Variants in MAN1B1 observed in about 807,000 individuals in gnomAD.
The protein encoded by MAN1B1 is endoplasmic reticulum mannosyl-oligosaccharide 1,2-alpha-mannosidase.
In MAN1B1, 66 loss-of-function variants were observed where a neutral mutation model predicts 75.5. The ratio of observed to expected loss-of-function variants is 0.87; its 90% CI spans 0.72 to 1.07. The LOEUF (loss-of-function observed/expected upper bound fraction) is 1.07, where lower values mean the gene tolerates loss of function less well. Ranked by LOEUF, MAN1B1 falls within the 50% of genes least tolerant of loss-of-function variation. MAN1B1 has a pLI of 0.00. For synonymous variants in MAN1B1, 453 were observed against 382.8 expected, an observed-to-expected ratio of 1.18 and a Z score of -2.14; for missense variants, 973 against 912.5, an observed-to-expected ratio of 1.07 and a Z score of -0.85.
Position 137,108,992 on chromosome 9 carries a change from G to A in MAN1B1, c.*401G>A, listed in dbSNP as rs1351019278. The A allele has an allele frequency of 2.2e-6, 1 of 461,910 alleles. No individual in the cohort carries two copies. Among genetic ancestry groups the A allele is most frequent in the Non-Finnish European group, 4.3e-6 (1 of 230,788 alleles). The allele number at this position is 461,910 out of a possible 1,614,324, so 28.6% of individuals were successfully genotyped here. On this transcript the variant is annotated 3_prime_UTR_variant, in exon 13 of 13. Coordinates refer to ENST00000371589, the MANE Select transcript of MAN1B1 (RefSeq NM_016219.5). The stretch of plus-strand genomic sequence containing the variant: ...AGCCTCAGATGTCCCCAATCCAAGG[G>A]TCTGGAGGGGCTGCCGTGACTCCAG...
At chr9:137,107,149 C>A in intron 10 of MAN1B1, 101 bp from the exon 11 acceptor site, 1 of 1,314,834 alleles carries the variant, frequency 7.6e-7, no homozygotes, top group Non-Finnish European at 1.1e-6. Flanking sequence ...CCCAGGGTAC[C>A]AGGGCCGAGG....
In MAN1B1 at chr9:137,108,403, T is replaced by C. The variant is rs1831195001; in HGVS notation, c.1912T>C (p.Tyr638His). The C allele has an allele frequency of 6.2e-7, 1 of 1,613,682 alleles. No homozygotes were observed. The highest frequency in any genetic ancestry group is 8.5e-7 in the Non-Finnish European group (1 of 1,179,988). ...SRFTRVPSGG[Y>H]SSINNVQDPQ... is the part of the protein sequence containing the mutation. ...TGCTGCACAGGTCCCCTCGGGTGGCTATTCTTCCATCAACAATGTCCAGGA... is the reference window on the plus strand; with the variant it reads ...TGCTGCACAGGTCCCCTCGGGTGGCCATTCTTCCATCAACAATGTCCAGGA... Residue 638 changes from tyrosine (Y) to histidine (H), a missense_variant, in exon 13 of 13, where the codon TAT (tyrosine) becomes CAT (histidine). Tyr to His is a moderately conservative substitution (Grantham distance 83). Coordinates refer to ENST00000371589, the MANE Select transcript of MAN1B1 (RefSeq NM_016219.5).
intron 5 of MAN1B1, 88 bp downstream of exon 5, chr9:137,098,025 G>GT: frequency 9.7e-7 from 1 of 1,031,014 alleles, no homozygotes; most frequent in Non-Finnish European, 1.5e-6. Flanking sequence ...ATGGTGGGTG[G>GT]CGCCCCCGCC....
rs75442795 is a variant in MAN1B1, at chr9:137,088,943, G to C, written c.403G>C (p.Val135Leu). 6.2e-6 allele frequency: 10 copies of C among 1,613,852 alleles called. No individual in the cohort carries two copies. The highest frequency in any genetic ancestry group is 8.5e-6 in the Non-Finnish European group (10 of 1,180,022). Residue 135 changes from valine to leucine, a missense_variant, in exon 3 of 13, where the codon GTC (valine) becomes CTC (leucine). Transcript: ENST00000371589. ...IAGLKPANPP[V>L]LPAPQKADTD... The stretch of plus-strand genomic sequence containing the variant: ...TGGGTTAAAACCAGCAAATCCACCC[G>C]TCTTACCAGCTCCTCAGAAGGCGGA...
At chr9:137,094,418 A>G (rs961930285) in intron 3 of MAN1B1, 5 of 503,364 alleles carry the variant, frequency 9.9e-6, no homozygotes, top group Non-Finnish European at 2.0e-5. Flanking sequence ...TGAAGAGGAC[A>G]GTGATTGCAT....
chr9:137,098,216 C>T (rs1480574613), intron 5 of MAN1B1, among the ~76,000 whole-genome samples: 2 of 152,242 alleles, frequency 1.3e-5, no homozygotes, highest in African/African-American at 4.8e-5. Flanking sequence ...GAGACTGCTG[C>T]CCGTGCTGTG....
chr9:137,087,671 G>GGTGCCTGGGCT (rs1830410626), intron 1 of MAN1B1: 1 of 402,844 alleles, frequency 2.5e-6, no homozygotes, highest in East Asian at 6.0e-5. Flanking sequence ...TCGCCTGGGC[G>GGTGCCTGGGCT]GTGCCTGGGC....
At chr9:137,100,592 G>A (rs924902973) in intron 6 of MAN1B1, among the ~76,000 whole-genome samples, 1 of 151,990 alleles carries the variant, frequency 6.6e-6, no homozygotes, top group Non-Finnish European at 1.5e-5. Context: ...GCGCAATCTC[G>A]GCTCATTGCA....
intron 3 of MAN1B1, among the ~76,000 whole-genome samples, chr9:137,092,457 G>A (rs1402715597): frequency 6.6e-6 from 1 of 152,166 alleles, no homozygotes; most frequent in African/African-American, 2.4e-5. Context: ...TTAGGGGCTG[G>A]ATTGGTCCCT....
chr9:137,090,371 C>G (rs966238892), intron 3 of MAN1B1, among the ~76,000 whole-genome samples: 1 of 152,122 alleles, frequency 6.6e-6, no homozygotes, highest in African/African-American at 2.4e-5. Context: ...CAGGGACAGA[C>G]AGCGCTTTCT....
At chr9:137,103,733 T>C (rs564204715) in intron 8 of MAN1B1, 270 of 426,852 alleles carry the variant, frequency 6.3e-4, no homozygotes, top group African/African-American at 5.6e-3. Context: ...GTTACACACA[T>C]GCTGTTGCAG....
At chr9:137,107,823 G>T (rs1046318305) in intron 12 of MAN1B1, 161 bp downstream of exon 12, 3 of 929,204 alleles carry the variant, frequency 3.2e-6, no homozygotes, top group African/African-American at 3.3e-5. Flanking sequence ...CAGCTTGGGG[G>T]CCCTGGCATC....
In MAN1B1 at chr9:137,088,412, T is replaced by G. The variant is rs750586698; in HGVS notation, c.328+229T>G. 5 of 1,573,500 alleles carry G rather than the reference T, an allele frequency of 3.2e-6. No homozygotes were observed. The Admixed American group carries it at 5.1e-5, about 16-fold the overall frequency. ...TAGGTCTCTGGTGTAAGTACTGATA[T>G]GTCCAGCCTCCCTTATAGAGTAAGT... On this transcript the variant is annotated intron_variant, in intron 2 of 12. Coordinates refer to ENST00000371589, the MANE Select transcript of MAN1B1 (RefSeq NM_016219.5).
At chr9:137,096,657 T>TGGGGATGGGGAGCCAGGCTC (rs1830661034) in intron 4 of MAN1B1, among the ~76,000 whole-genome samples, 1 of 152,158 alleles carries the variant, frequency 6.6e-6, no homozygotes, top group African/African-American at 2.4e-5. Flanking sequence ...CACAGGTGCG[T>TGGGGATGGGGAGCCAGGCTC]GGGGATGGGG....
At chr9:137,098,986 C>A (rs1164166258) in intron 5 of MAN1B1, among the ~76,000 whole-genome samples, 2 of 152,186 alleles carry the variant, frequency 1.3e-5, no homozygotes, top group African/African-American at 4.8e-5. Context: ...CCCGCCACCA[C>A]ACCTGGCTAA....
Position 137,099,817 on chromosome 9 carries a change from GT to G in MAN1B1, c.855del (p.Phe285LeufsTer7), listed in dbSNP as rs1830758239. ...KPVSRSFSEW[F>X]GLGLTLIDAL... ...CTGTGTCCAGGTCCTTCAGTGAGTG[GT>G]TTGGCCTCGGTCTCACACTGATCGA... On this transcript the variant is annotated frameshift_variant, in exon 6 of 13. Transcript: ENST00000371589. LOFTEE classifies it high-confidence loss of function. The G allele has an allele frequency of 6.2e-7, 1 of 1,614,132 alleles. No individual in the cohort carries two copies. Among genetic ancestry groups the G allele is most frequent in the African/African-American group, 1.3e-5 (1 of 74,960 alleles).
chr9:137,101,511 G>A lies in MAN1B1; in HGVS notation c.1093G>A (p.Ala365Thr), dbSNP rs1453853547. The change falls in exon 8 of 13, where the codon GCC becomes ACC. Residue 365 changes from alanine to threonine, a missense_variant. By Grantham distance (58) the Ala-to-Thr change is moderately conservative. Coordinates refer to ENST00000371589, the MANE Select transcript of MAN1B1 (RefSeq NM_016219.5). The stretch of plus-strand genomic sequence containing the variant: ...GGATTTTGGAAATCGGCTAATGCCT[G>A]CCTTCAGAACACCATCCAAGATTCC... ...AEDFGNRLMP[A>T]FRTPSKIPYS... The A allele has an allele frequency of 6.2e-7, 1 of 1,613,802 alleles. No homozygotes were observed. The highest frequency in any genetic ancestry group is 1.3e-5 in the African/African-American group (1 of 74,922).
chr9:137,105,203 T>C (rs1435298941), intron 8 of MAN1B1: 2 of 152,512 alleles, frequency 1.3e-5, no homozygotes. Context: ...GTCATTTTCA[T>C]GAAGCACAGC....
chr9:137,090,744 G>C (rs1830493909), intron 3 of MAN1B1, among the ~76,000 whole-genome samples: 4 of 152,034 alleles, frequency 2.6e-5, no homozygotes, highest in Admixed American at 6.6e-5. Context: ...TCACTATGTT[G>C]GTCAGGCTGG....
Sources: gnomAD v4.1 joint callset for allele counts (sites outside exome capture counted in the v4.1 genomes callset) on GRCh38, gnomAD v4.1.1 for gene constraint, MANE v1.5 for transcripts, NCBI Gene and HGNC (gene_info 2026-07-23, HGNC 2026-07-21) for gene names.